Variants in PMEPA1 observed in about 807,000 individuals in gnomAD.
PMEPA1 encodes protein TMEPAI.
PMEPA1 carries 11 observed loss-of-function variants against 23.0 expected under a neutral mutation model. That is an observed-to-expected ratio of 0.48 (90% confidence interval 0.30 to 0.79). The LOEUF is 0.79. PMEPA1 is among the 30% of genes least tolerant of loss of function. The probability of loss-of-function intolerance (pLI) is 0.06; values close to 1 mark genes in which losing one functional copy is unlikely to be tolerated. For missense variants in PMEPA1, 377 were observed against 390.9 expected, an observed-to-expected ratio of 0.96 and a Z score of 0.30; for synonymous variants, 204 against 166.4, an observed-to-expected ratio of 1.23 and a Z score of -1.74.
At chr20:57,677,392 T>C in intron 1 of PMEPA1, among the ~76,000 whole-genome samples, 1 of 152,208 alleles carries the variant, frequency 6.6e-6, no homozygotes, top group East Asian at 1.9e-4. Flanking sequence ...AAGTGCTTGC[T>C]TGTTCATTGT....
chr20:57,707,145 T>C (rs979801106), intron 1 of PMEPA1, among the ~76,000 whole-genome samples: 2 of 152,164 alleles, frequency 1.3e-5, no homozygotes, highest in East Asian at 1.9e-4. Flanking sequence ...CAAGTTCTCG[T>C]TGCAAACAAC....
At chr20:57,701,955 A>C (rs1331356435) in intron 1 of PMEPA1, among the ~76,000 whole-genome samples, 1 of 152,168 alleles carries the variant, frequency 6.6e-6, no homozygotes, top group East Asian at 1.9e-4. Context: ...AGATTCGATT[A>C]CTGCCATGAC....
At position 57,651,950 on chromosome 20, in the gene PMEPA1, A is replaced by G; in HGVS notation, c.*103T>C. Reference sequence around the variant, plus strand: ...GGAGGTGGGAGGGGAGGGCCACACGATGCGTTGCTGCGCCCCCCGCCTTCC... The same window carrying G: ...GGAGGTGGGAGGGGAGGGCCACACGGTGCGTTGCTGCGCCCCCCGCCTTCC... On this transcript the variant is annotated 3_prime_UTR_variant, in exon 4 of 4. Transcript: ENST00000341744. 1.1e-6 allele frequency: 1 copy of G among 937,968 alleles called. No individual in the cohort carries two copies. 58.1% of individuals were successfully genotyped at this position (937,968 alleles called of 1,614,324 possible).
intron 1 of PMEPA1, among the ~76,000 whole-genome samples, chr20:57,701,027 T>G (rs1305104686): frequency 6.7e-6 from 1 of 149,464 alleles, no homozygotes; most frequent in Non-Finnish European, 1.5e-5. Context: ...AAGACTCCAT[T>G]TCAAAAAAAA....
chr20:57,696,081 C>T (rs965637095), intron 1 of PMEPA1, among the ~76,000 whole-genome samples: 2 of 152,174 alleles, frequency 1.3e-5, no homozygotes, highest in African/African-American at 2.4e-5. Flanking sequence ...AACCTGTTAC[C>T]GACAATTTCT....
intron 1 of PMEPA1, among the ~76,000 whole-genome samples, chr20:57,697,601 A>G (rs184605166): frequency 1.7e-3 from 258 of 152,322 alleles, no homozygotes; most frequent in African/African-American, 5.7e-3. Context: ...TGGATATTGA[A>G]AACGACCTGA....
At chr20:57,654,377 TGAG>T (rs1204912278) in intron 2 of PMEPA1, among the ~76,000 whole-genome samples, 1 of 152,170 alleles carries the variant, frequency 6.6e-6, no homozygotes, top group African/African-American at 2.4e-5. Context: ...GCAGGTTTTT[TGAG>T]GGTTCCCAGG....
intron 1 of PMEPA1, among the ~76,000 whole-genome samples, chr20:57,659,988 C>G (rs556968953): frequency 6.6e-6 from 1 of 152,164 alleles, no homozygotes; most frequent in Non-Finnish European, 1.5e-5. Flanking sequence ...AAGGAGGTAA[C>G]GGGACAGGCA....
chr20:57,698,032 A>C (rs1329981263), intron 1 of PMEPA1, among the ~76,000 whole-genome samples: 1 of 152,144 alleles, frequency 6.6e-6, no homozygotes, highest in African/African-American at 2.4e-5. Context: ...CAGCTGATAC[A>C]TTTTTTAAAG....
intron 1 of PMEPA1, among the ~76,000 whole-genome samples, chr20:57,680,522 G>C (rs1326796803): frequency 6.6e-6 from 1 of 152,234 alleles, no homozygotes; most frequent in East Asian, 1.9e-4. Context: ...TCAGCACCAA[G>C]GTCGAGAAAC....
intron 1 of PMEPA1, among the ~76,000 whole-genome samples, chr20:57,701,522 G>A (rs4810096): frequency 0.59 from 89,048 of 151,950 alleles, 26,909 homozygotes; most frequent in East Asian, 0.92. Context: ...AGGGGAGGTG[G>A]GTCTGCATTG....
At chr20:57,695,600 C>G (rs561050784) in intron 1 of PMEPA1, among the ~76,000 whole-genome samples, 28 of 152,344 alleles carry the variant, frequency 1.8e-4, no homozygotes, top group African/African-American at 5.8e-4. Context: ...CGAGACCAGT[C>G]TGGCCAACAT....
At chr20:57,710,037 C>A, upstream of PMEPA1, 4 of 998,916 alleles carry the variant, frequency 4.0e-6, no homozygotes, top group African/African-American at 1.7e-5. Context: ...ACGGGGCTGC[C>A]GGTTCCCACC....
Position 57,652,534 on chromosome 20 carries a change from T to C in PMEPA1, c.383A>G (p.Glu128Gly), listed in dbSNP as rs1327893233. ...RLAVPPFAQR[E>G]RFHRFQPTYP... ...GGTGGGCTGGAAGCGGTGGAAGCGC[T>C]CCCGCTGGGCGAAGGGCGGCACGGC... Residue 128 changes from glutamate (E) to glycine (G), a missense_variant, in exon 4 of 4, where the codon GAG becomes GGG. Physicochemically the swap from Glu to Gly is moderately conservative, Grantham distance 98. Transcript: ENST00000341744. This position sits in a 1 kb window ranked among gnomAD's most constrained non-coding sequence, Gnocchi z 6.1. 6 of 1,556,032 alleles carry C rather than the reference T, an allele frequency of 3.9e-6. No homozygotes were observed. The highest frequency in any genetic ancestry group is 5.2e-6 in the Non-Finnish European group (6 of 1,149,604).
intron 1 of PMEPA1, among the ~76,000 whole-genome samples, chr20:57,684,328 C>T (rs978762853): frequency 1.3e-5 from 2 of 151,998 alleles, no homozygotes; most frequent in Non-Finnish European, 2.9e-5. Context: ...CTCTCCACCC[C>T]GCAGCCCTCG....
At chr20:57,702,183 G>C (rs1275610750) in intron 1 of PMEPA1, among the ~76,000 whole-genome samples, 1 of 152,232 alleles carries the variant, frequency 6.6e-6, no homozygotes, top group Admixed American at 6.5e-5. Context: ...GCGGCCCTGG[G>C]AACAGCACCG....
At chr20:57,705,375 C>A (rs1056488448) in intron 1 of PMEPA1, among the ~76,000 whole-genome samples, 1 of 152,208 alleles carries the variant, frequency 6.6e-6, no homozygotes, top group African/African-American at 2.4e-5. Context: ...TGCACCACAA[C>A]CTAAAACCCA....
rs2146639493 is a variant in PMEPA1 at position 57,655,475 on chromosome 20, TTGC to T, written c.265-2392_265-2390del. On this transcript the variant is annotated intron_variant, in intron 2 of 3. Transcript: ENST00000341744. The surrounding 1 kb of genome is among the most constrained non-coding windows in gnomAD (Gnocchi z 4.2). The stretch of plus-strand genomic sequence containing the variant: ...GCTATGCAGTCAGGGAGTGCTCAGG[TTGC>T]TACTTAAGTGCGGAAGTTGCTGGGT... Among the ~76,000 whole-genome samples the T allele has an allele frequency of 6.6e-6, 1 of 152,348 alleles. No individual in the cohort carries two copies. The highest frequency in any genetic ancestry group is 2.1e-4 in the South Asian group (1 of 4,828).
intron 1 of PMEPA1, among the ~76,000 whole-genome samples, chr20:57,664,367 C>A (rs2071464018): frequency 6.6e-6 from 1 of 152,358 alleles, no homozygotes; most frequent in African/African-American, 2.4e-5. Context: ...CAAGCATGGG[C>A]TCCCTCCCCA....
Sources: gnomAD v4.1 joint callset for allele counts (sites outside exome capture counted in the v4.1 genomes callset) on GRCh38, gnomAD v4.1.1 for gene constraint, Gnocchi (gnomAD v3.1) non-coding constraint, MANE v1.5 for transcripts, NCBI Gene and HGNC (gene_info 2026-07-23, HGNC 2026-07-21) for gene names.